Variants in COL4A4 observed in about 807,000 individuals in gnomAD.
COL4A4 encodes the protein collagen type IV alpha 4 chain, also known as collagen alpha-4(IV) chain.
A neutral mutation model predicts 192.9 loss-of-function variants in COL4A4; 105 were observed. The ratio of observed to expected loss-of-function variants is 0.54; its 90% CI spans 0.46 to 0.64. COL4A4 has a LOEUF of 0.64. Among genes scored for constraint, COL4A4 ranks in the 30% least tolerant of loss-of-function variants. COL4A4 has a pLI of 0.00. For missense variants in COL4A4, 1,967 were observed against 2,169.3 expected, an observed-to-expected ratio of 0.91 and a Z score of 1.85; for synonymous variants, 762 against 769.9, an observed-to-expected ratio of 0.99 and a Z score of 0.17.
rs1403780482 is a variant in COL4A4 at position 227,051,044 on chromosome 2, G to A, written c.3083C>T (p.Pro1028Leu). Residue 1028 changes from proline (P) to leucine (L), a missense_variant, in exon 33 of 48, where the codon CCC becomes CTC. Transcript: ENST00000396625. The stretch of plus-strand genomic sequence containing the variant: ...ACCAGTTGAGCCTGGAGGGCCTGGG[G>A]GTCCAGGAGGCCCTGGCTGACCTTT... ...GEKGQPGPPG[P>L]PGPPGSTGLR... The A allele has an allele frequency of 1.2e-6, 2 of 1,614,176 alleles. No homozygotes were observed. The highest frequency in any genetic ancestry group is 1.3e-5 in the African/African-American group (1 of 75,046).
At chr2:227,143,211 T>C (rs977647110) in intron 3 of COL4A4, among the ~76,000 whole-genome samples, 1 of 152,226 alleles carries the variant, frequency 6.6e-6, no homozygotes, top group East Asian at 1.9e-4. Flanking sequence ...CCACATACCA[T>C]ACTTTGTTTA....
chr2:227,119,218 T>C (rs944061025), intron 6 of COL4A4, among the ~76,000 whole-genome samples: 3 of 151,970 alleles, frequency 2.0e-5, no homozygotes, highest in Admixed American at 6.6e-5. Flanking sequence ...ATTTTGGAAT[T>C]TTTTCTCTAA....
At chr2:227,143,232 G>A (rs913604780) in intron 3 of COL4A4, among the ~76,000 whole-genome samples, 2 of 152,294 alleles carry the variant, frequency 1.3e-5, no homozygotes, top group African/African-American at 4.8e-5. Flanking sequence ...ACCAGTTGTT[G>A]TTGAAGGAAA....
chr2:227,149,210 G>A (rs942610015), intron 1 of COL4A4, among the ~76,000 whole-genome samples: 1 of 152,076 alleles, frequency 6.6e-6, no homozygotes. Flanking sequence ...TGTATGTATG[G>A]AAGACTTGTT....
chr2:227,045,808 A>ATG (rs1559487316), intron 35 of COL4A4, among the ~76,000 whole-genome samples: 3 of 53,700 alleles, frequency 5.6e-5, no homozygotes, highest in South Asian at 8.3e-4. Flanking sequence ...ACACATATAT[A>ATG]TATATATACA....
rs1207760811 is a variant in COL4A4, at chr2:227,123,561, G to A, written c.193-2413C>T. ...GGCACCTGGGACTTAACCCTGAGGG[G>A]AGCCCACATCTCAGTGTTATCCCGC... On this transcript the variant is annotated intron_variant, in intron 4 of 47. Transcript: ENST00000396625. The surrounding 1 kb of genome is among the most constrained non-coding windows in gnomAD (Gnocchi z 4.6). 3.9e-5 allele frequency among the ~76,000 whole-genome samples: 6 copies of A among 152,212 alleles called. No homozygotes were observed. The highest frequency in any genetic ancestry group is 2.4e-5 in the African/African-American group (1 of 41,452).
chr2:227,012,017 C>T (rs1963838798), intron 45 of COL4A4, among the ~76,000 whole-genome samples, 164 bp downstream of exon 45: 1 of 152,214 alleles, frequency 6.6e-6, no homozygotes. Context: ...AGATGCATCC[C>T]ACTCTGTTCT....
intron 4 of COL4A4, among the ~76,000 whole-genome samples, chr2:227,137,999 A>C (rs2062931666): frequency 6.6e-6 from 1 of 152,112 alleles, no homozygotes; most frequent in South Asian, 2.1e-4. Flanking sequence ...TATATTATGA[A>C]AGTGGCTCAA....
Position 227,152,563 on chromosome 2 carries a change from A to G in COL4A4, c.-101-4979T>C, listed in dbSNP as rs549931516. The stretch of plus-strand genomic sequence containing the variant: ...TTTTATGACTGTTCTCCTGCCTAAG[A>G]TGCAACTGCTAGATCACAGCTGAGC... On this transcript the variant is annotated intron_variant, in intron 1 of 47. Coordinates refer to ENST00000396625, the MANE Select transcript of COL4A4 (RefSeq NM_000092.5). Among the ~76,000 whole-genome samples the G allele has an allele frequency of 3.3e-5, 5 of 152,310 alleles. No individual in the cohort carries two copies. The South Asian group carries it at 6.2e-4, about 19-fold the overall frequency.
At chr2:227,083,858 A>G (rs780557478) in intron 22 of COL4A4, among the ~76,000 whole-genome samples, 1 of 152,224 alleles carries the variant, frequency 6.6e-6, no homozygotes, top group African/African-American at 2.4e-5. Flanking sequence ...GGAGGGTACC[A>G]GTGGAGATGG....
chr2:227,084,210 C>T (rs10194122), intron 22 of COL4A4, among the ~76,000 whole-genome samples: 10,792 of 152,056 alleles, frequency 0.071, 698 homozygotes, highest in African/African-American at 0.17. Context: ...TGGGGCCTGG[C>T]CAAAGTGTAT....
intron 42 of COL4A4, among the ~76,000 whole-genome samples, chr2:227,027,633 TA>T (rs1313743154): frequency 8.7e-6 from 1 of 114,802 alleles, no homozygotes; most frequent in African/African-American, 3.5e-5. Flanking sequence ...TAAAGTATAA[TA>T]AAAAATATAT....
intron 37 of COL4A4, among the ~76,000 whole-genome samples, chr2:227,036,745 C>A (rs1490135207): frequency 6.6e-6 from 1 of 151,970 alleles, no homozygotes; most frequent in Non-Finnish European, 1.5e-5. Flanking sequence ...AACAAACAGG[C>A]AATTACATCC....
At chr2:226,973,923 C>T in the COL4A4 span, among the ~76,000 whole-genome samples, 1 of 152,182 alleles carries the variant, frequency 6.6e-6, no homozygotes, top group Non-Finnish European at 1.5e-5. Flanking sequence ...ATCTCCTTTT[C>T]GTTCGCATGG....
intron 26 of COL4A4, among the ~76,000 whole-genome samples, chr2:227,061,968 G>A (rs576413840): frequency 1.6e-4 from 24 of 152,224 alleles, no homozygotes; most frequent in African/African-American, 5.3e-4. Context: ...GGCTGGGTGC[G>A]GTGGCTCACA....
At chr2:226,985,391 T>C in the COL4A4 span, among the ~76,000 whole-genome samples, 14 of 152,358 alleles carry the variant, frequency 9.2e-5, no homozygotes, top group Middle Eastern at 3.4e-3. Flanking sequence ...TAATATTCAA[T>C]GCAGCAGCCT....
At chr2:227,064,628 G>C (rs1455370752) in intron 25 of COL4A4, among the ~76,000 whole-genome samples, 2 of 152,290 alleles carry the variant, frequency 1.3e-5, no homozygotes, top group East Asian at 3.9e-4. Flanking sequence ...TCTAAGAGCA[G>C]TGAGACAAAT....
At chr2:227,092,637 AACAG>A (rs1040941736) in intron 20 of COL4A4, among the ~76,000 whole-genome samples, 1 of 152,226 alleles carries the variant, frequency 6.6e-6, no homozygotes, top group African/African-American at 2.4e-5. Flanking sequence ...AAACCAAGCA[AACAG>A]ACAAAGGAAA....
At chr2:227,051,754 C>T (rs957125718) in intron 32 of COL4A4, among the ~76,000 whole-genome samples, 1 of 152,270 alleles carries the variant, frequency 6.6e-6, no homozygotes, top group East Asian at 1.9e-4. Flanking sequence ...AACTACCAAA[C>T]CTGAAACCAG....
Sources: gnomAD v4.1 joint callset for allele counts (sites outside exome capture counted in the v4.1 genomes callset) on GRCh38, gnomAD v4.1.1 for gene constraint, Gnocchi (gnomAD v3.1) non-coding constraint, MANE v1.5 for transcripts, NCBI Gene and HGNC (gene_info 2026-07-23, HGNC 2026-07-21) for gene names.